The following MAST2 variants were observed in gnomAD, a reference collection of about 807,000 sequenced individuals.
MAST2 encodes microtubule associated serine/threonine kinase 2, also known as microtubule-associated serine/threonine-protein kinase 2.
MAST2 carries 70 observed loss-of-function variants against 147.4 expected under a neutral mutation model. The observed-to-expected ratio is 0.47, with a 90% CI of 0.39 to 0.58. MAST2 has a LOEUF of 0.58. MAST2 is among the 20% of genes least tolerant of loss of function. MAST2 has a pLI of 0.00. For synonymous variants in MAST2, 869 were observed against 896.8 expected (o/e 0.97, Z 0.55); for missense variants, 2,080 against 2,302.3 (o/e 0.90, Z 1.98).
chr1:45,822,957 G>C (rs1422172975), intron 1 of MAST2, among the ~76,000 whole-genome samples: 2 of 152,082 alleles, frequency 1.3e-5, no homozygotes, highest in Non-Finnish European at 2.9e-5. Context: ...ACAGTTAGGT[G>C]CCTGGACACA....
At chr1:46,005,668 G>C (rs1645456210) in intron 7 of MAST2, among the ~76,000 whole-genome samples, 1 of 152,186 alleles carries the variant, frequency 6.6e-6, no homozygotes, top group Non-Finnish European at 1.5e-5. Flanking sequence ...AGATGTAAAA[G>C]TAATTTTCTT....
chr1:46,018,294 G>T (rs556661508), intron 10 of MAST2, among the ~76,000 whole-genome samples: 1 of 152,168 alleles, frequency 6.6e-6, no homozygotes, highest in South Asian at 2.1e-4. Flanking sequence ...CTACGCTGAG[G>T]ACTCCCACAT....
intron 4 of MAST2, among the ~76,000 whole-genome samples, chr1:45,952,791 A>G (rs1179297796): frequency 6.6e-6 from 1 of 152,206 alleles, no homozygotes; most frequent in Admixed American, 6.5e-5. Flanking sequence ...ATCAAAAACC[A>G]AGAGAACAAA....
At chr1:45,929,486 A>T (rs4134387) in intron 4 of MAST2, among the ~76,000 whole-genome samples, 43,357 of 152,038 alleles carry the variant, frequency 0.29, 6,313 homozygotes, top group South Asian at 0.39. Context: ...TGGCCCACGT[A>T]GAAAGAGGAA....
chr1:46,033,433 TG>T (rs1396142161), intron 26 of MAST2, among the ~76,000 whole-genome samples: 2 of 150,086 alleles, frequency 1.3e-5, no homozygotes, highest in African/African-American at 4.9e-5. Context: ...AGTGAGACTC[TG>T]TCTTAAAAAA....
chr1:45,923,147 A>G (rs1003384836), intron 4 of MAST2, among the ~76,000 whole-genome samples: 14 of 151,856 alleles, frequency 9.2e-5, no homozygotes, highest in African/African-American at 2.2e-4. Flanking sequence ...TCCTCTGTGC[A>G]CTTCTCTCCC....
chr1:45,866,462 T>G (rs1161188225), intron 3 of MAST2, among the ~76,000 whole-genome samples: 2 of 152,248 alleles, frequency 1.3e-5, no homozygotes, highest in African/African-American at 4.8e-5. Context: ...CCCATTTAGT[T>G]GCACTGCTTA....
In MAST2 at chr1:46,035,598, C is replaced by T. The variant is rs36097855; in HGVS notation, c.4929C>T (p.Cys1643=). 0.01 allele frequency: 16,687 copies of T among 1,613,812 alleles called. 107 individuals are homozygous for T. Among genetic ancestry groups the T allele is most frequent in the Non-Finnish European group, 0.012 (14,371 of 1,180,002 alleles). ...STSGLTPTSS[C]SPPSSTSGKL... is the part of the protein sequence containing the mutation. ...CGGGACTCACCCCCACCAGCAGTTG[C>T]TCTCCTCCCAGCTCCACCTCTGGGA... is the stretch of plus-strand genomic sequence containing the variant. The change falls in exon 29 of 29, where the codon TGC becomes TGT. Residue 1643 remains cysteine, a synonymous_variant. Transcript: ENST00000361297. This position sits in a 1 kb window ranked among gnomAD's most constrained non-coding sequence, Gnocchi z 5.5.
intron 4 of MAST2, among the ~76,000 whole-genome samples, chr1:45,948,749 A>G (rs1355583576): frequency 6.6e-6 from 1 of 151,562 alleles, no homozygotes. Flanking sequence ...ATGGAACAAG[A>G]AAAGAGCCCA....
At chr1:45,812,368 C>A (rs948315145) in intron 1 of MAST2, among the ~76,000 whole-genome samples, 6 of 150,322 alleles carry the variant, frequency 4.0e-5, no homozygotes, top group Non-Finnish European at 7.4e-5. Flanking sequence ...CATGTGATTA[C>A]AGAGTTTTCC....
chr1:45,854,937 A>G (rs1448833123), intron 3 of MAST2, among the ~76,000 whole-genome samples: 2 of 152,234 alleles, frequency 1.3e-5, no homozygotes, highest in Non-Finnish European at 2.9e-5. Context: ...GGAGAAGCAC[A>G]TAGGATGAGG....
At position 46,029,544 on chromosome 1, in the gene MAST2, A is replaced by G. The variant is rs1553134450; in HGVS notation, c.2297A>G (p.Asn766Ser). 1.2e-6 allele frequency: 2 copies of G among 1,614,040 alleles called. No homozygotes were observed. Among genetic ancestry groups the G allele is most frequent in the Non-Finnish European group, 1.7e-6 (2 of 1,179,988 alleles). ...QDLTSKLLHQ[N>S]PLERLGTGSA... ...CTCACCTCCAAACTGCTCCACCAGA[A>G]CCCTCTGGAGAGACTTGGCACAGGT... Residue 766 changes from asparagine (N) to serine (S), a missense_variant, in exon 19 of 29, where the codon AAC (asparagine) becomes AGC (serine). By Grantham distance (46) the Asn-to-Ser change is conservative. Coordinates refer to ENST00000361297, the MANE Select transcript of MAST2 (RefSeq NM_015112.3).
At chr1:45,821,990 G>A (rs933249339) in intron 1 of MAST2, among the ~76,000 whole-genome samples, 12 of 136,652 alleles carry the variant, frequency 8.8e-5, no homozygotes, top group Admixed American at 4.2e-4. Context: ...CCAGGTTCAC[G>A]CGATTCCTGT....
chr1:45,877,086 T>C (rs1355364016), intron 3 of MAST2, among the ~76,000 whole-genome samples: 2 of 152,084 alleles, frequency 1.3e-5, no homozygotes, highest in South Asian at 4.1e-4. Flanking sequence ...ATACCACAGA[T>C]TGGATCATTT....
chr1:45,922,203 C>T (rs980279095), intron 4 of MAST2, among the ~76,000 whole-genome samples: 1 of 152,196 alleles, frequency 6.6e-6, no homozygotes, highest in Non-Finnish European at 1.5e-5. Flanking sequence ...CTGGTTGGTC[C>T]ATGGGCGGCC....
chr1:46,019,039 T>C (rs1646075253), intron 10 of MAST2, among the ~76,000 whole-genome samples: 1 of 152,220 alleles, frequency 6.6e-6, no homozygotes, highest in South Asian at 2.1e-4. Flanking sequence ...TCACCCCTTA[T>C]CTGCTTCTGT....
chr1:45,968,302 TC>T (rs1466257018), intron 5 of MAST2, among the ~76,000 whole-genome samples: 16 of 152,336 alleles, frequency 1.1e-4, no homozygotes, highest in Non-Finnish European at 1.2e-4. Context: ...CATGTAGAGT[TC>T]ACTTTCTCCC....
intron 3 of MAST2, among the ~76,000 whole-genome samples, chr1:45,860,116 G>A (rs997445851): frequency 6.6e-6 from 1 of 151,980 alleles, no homozygotes; most frequent in South Asian, 2.1e-4. Flanking sequence ...CTGAGGTGGC[G>A]GGATGCTGAG....
intron 4 of MAST2, among the ~76,000 whole-genome samples, chr1:45,937,165 G>T (rs1025868074): frequency 1.3e-5 from 2 of 150,956 alleles, no homozygotes; most frequent in Non-Finnish European, 2.9e-5. Flanking sequence ...TAAACCCCTG[G>T]GCTCAAGTGA....
Sources: allele counts gnomAD v4.1 joint callset (sites outside exome capture counted in the v4.1 genomes callset), GRCh38; gene constraint gnomAD v4.1.1; non-coding constraint Gnocchi (gnomAD v3.1); transcripts MANE v1.5; gene names NCBI Gene and HGNC (gene_info 2026-07-23, HGNC 2026-07-21).